NFASC: variants seen among roughly 807,000 people sequenced by gnomAD.
NFASC encodes the protein neurofascin homolog.
In NFASC, 43 loss-of-function variants were observed where a neutral mutation model predicts 147.5. That is an observed-to-expected ratio of 0.29 (90% CI 0.23 to 0.38). NFASC has a LOEUF of 0.38. Ranked by LOEUF, NFASC falls within the 10% of genes least tolerant of loss-of-function variation. The pLI is 1.00. For missense variants in NFASC, 1,320 were observed against 1,689.0 expected, an observed-to-expected ratio of 0.78 and a Z score of 3.83; for synonymous variants, 622 against 665.5, an observed-to-expected ratio of 0.93 and a Z score of 1.01.
intron 1 of NFASC, among the ~76,000 whole-genome samples, chr1:204,897,039 T>C (rs1460639146): frequency 6.6e-6 from 1 of 152,156 alleles, no homozygotes; most frequent in African/African-American, 2.4e-5. Context: ...TTAGAAATAC[T>C]GACTGTAGGT....
At chr1:204,878,857 A>G (rs1169505528) in intron 1 of NFASC, among the ~76,000 whole-genome samples, 1 of 152,206 alleles carries the variant, frequency 6.6e-6, no homozygotes, top group Non-Finnish European at 1.5e-5. Context: ...ATGGTTCATT[A>G]TTCATCTGGT....
At chr1:204,843,080 T>C (rs570141367) in intron 1 of NFASC, among the ~76,000 whole-genome samples, 3 of 152,154 alleles carry the variant, frequency 2.0e-5, no homozygotes, top group Non-Finnish European at 2.9e-5. Flanking sequence ...CCTGAAACCT[T>C]GACAAATAAA....
rs930063919 is a variant in NFASC, at chr1:204,963,675, A to G, written c.707-4574A>G. The stretch of plus-strand genomic sequence containing the variant: ...CCTGGAGATTGACCCCTTGTCCTCA[A>G]TCCAGGGTAGGACGGAGCTGACCCA... On this transcript the variant is annotated intron_variant, in intron 8 of 29. Transcript: ENST00000339876. Among the ~76,000 whole-genome samples the G allele has an allele frequency of 7.2e-5, 11 of 152,370 alleles. No individual in the cohort carries two copies. In the South Asian group the frequency reaches 1.4e-3, roughly 20 times the overall value.
chr1:204,869,263 C>G (rs2077378978), intron 1 of NFASC, among the ~76,000 whole-genome samples: 1 of 152,198 alleles, frequency 6.6e-6, no homozygotes, highest in Middle Eastern at 3.4e-3. Context: ...CCCCGTGCAC[C>G]CTGTGTGGGG....
At chr1:204,984,509 G>A (rs1443970846) in intron 21 of NFASC, among the ~76,000 whole-genome samples, 2 of 151,590 alleles carry the variant, frequency 1.3e-5, no homozygotes, top group Non-Finnish European at 2.9e-5. Flanking sequence ...AGCACGTTGC[G>A]TTTGGAATAC....
chr1:204,924,571 C>T (rs796183085), intron 2 of NFASC, among the ~76,000 whole-genome samples: 10 of 152,266 alleles, frequency 6.6e-5, no homozygotes, highest in African/African-American at 2.4e-4. Flanking sequence ...CTTGTAGAAA[C>T]CATGGCAAAG....
chr1:204,945,618 A>G (rs2093670927), intron 3 of NFASC, among the ~76,000 whole-genome samples: 1 of 152,230 alleles, frequency 6.6e-6, no homozygotes, highest in Non-Finnish European at 1.5e-5. Context: ...CTGCCCTCCC[A>G]ATACCCCCAG....
At chr1:204,864,465 A>G (rs2076958042) in intron 1 of NFASC, among the ~76,000 whole-genome samples, 1 of 152,194 alleles carries the variant, frequency 6.6e-6, no homozygotes, top group Non-Finnish European at 1.5e-5. Context: ...TGGCTGCACT[A>G]TTTTACATTC....
intron 25 of NFASC, 117 bp downstream of exon 25, chr1:204,997,523 A>G: frequency 8.7e-7 from 1 of 1,151,276 alleles, no homozygotes; most frequent in Non-Finnish European, 1.3e-6. Flanking sequence ...GTTTGCCACC[A>G]CCTCCCTTTG....
At chr1:204,883,093 C>T (rs2080601044) in intron 1 of NFASC, among the ~76,000 whole-genome samples, 1 of 152,024 alleles carries the variant, frequency 6.6e-6, no homozygotes, top group African/African-American at 2.4e-5. Flanking sequence ...TTCTAGAAAG[C>T]CGATCTTAAA....
intron 3 of NFASC, chr1:204,946,754 G>A (rs1265261992): frequency 3.9e-6 from 2 of 518,834 alleles, no homozygotes; most frequent in Admixed American, 3.9e-5. Context: ...CTCTGCAAGT[G>A]GATGAACACC....
At chr1:204,962,345 T>C (rs1343398343) in intron 8 of NFASC, among the ~76,000 whole-genome samples, 1 of 152,208 alleles carries the variant, frequency 6.6e-6, no homozygotes, top group Non-Finnish European at 1.5e-5. Context: ...CACCTGGTGG[T>C]GTGGTCTCCT....
chr1:204,992,527 C>T (rs1248699473), intron 24 of NFASC, among the ~76,000 whole-genome samples: 2 of 152,220 alleles, frequency 1.3e-5, no homozygotes, highest in Non-Finnish European at 2.9e-5. Flanking sequence ...CCCACCACCC[C>T]AGTGCCTCCC....
chr1:204,997,333 A>G lies in NFASC; in HGVS notation c.2946A>G (p.Thr982=). 2 of 1,569,616 alleles carry G rather than the reference A, an allele frequency of 1.3e-6. No homozygotes were observed. Among genetic ancestry groups the G allele is most frequent in the Non-Finnish European group, 1.7e-6 (2 of 1,157,446 alleles). ...ATTTTVATTT[T]TTAAATTTTE... Reference sequence around the variant, plus strand: ...CCACCACCGTCGCCACAACTACTACAACCACTGCTGCCGCCACCACCACCA... The same window carrying G: ...CCACCACCGTCGCCACAACTACTACGACCACTGCTGCCGCCACCACCACCA... The change falls in exon 25 of 30, where the codon ACA becomes ACG. Residue 982 remains threonine (T), a synonymous_variant. Transcript: ENST00000339876.
intron 1 of NFASC, among the ~76,000 whole-genome samples, chr1:204,895,382 C>A (rs562191439): frequency 6.6e-6 from 1 of 152,234 alleles, no homozygotes; most frequent in Non-Finnish European, 1.5e-5. Context: ...TTTCTTCCTT[C>A]TCTGAACTCC....
At chr1:204,834,082 G>A (rs1393339003) in intron 1 of NFASC, among the ~76,000 whole-genome samples, 1 of 152,136 alleles carries the variant, frequency 6.6e-6, no homozygotes, top group African/African-American at 2.4e-5. Context: ...CTAGATGAAG[G>A]AACCATCAGG....
In NFASC at chr1:204,968,281, A is replaced by G. The variant is rs754331346; in HGVS notation, c.739A>G (p.Met247Val). 9 of 1,614,016 alleles carry G rather than the reference A, an allele frequency of 5.6e-6. No individual in the cohort carries two copies. The highest frequency in any genetic ancestry group is 3.3e-5 in the Admixed American group (2 of 60,002). The change falls in exon 9 of 30, where the codon ATG becomes GTG. Residue 247 changes from methionine to valine, a missense_variant. Physicochemically the swap from Met to Val is conservative, Grantham distance 21. Around this residue, in one of 3 missense-constraint regions of NFASC, gnomAD observed 981 missense variants for 1,289.5 expected, o/e 0.76. Transcript: ENST00000339876. The surrounding 1 kb of genome is among the most constrained non-coding windows in gnomAD (Gnocchi z 5.4). ...AGTTGCAGAAAGAACACCAAGCTTCATGTATCCCCAGGGCACCGCGAGCAG... is the reference window on the plus strand; with the variant it reads ...AGTTGCAGAAAGAACACCAAGCTTCGTGTATCCCCAGGGCACCGCGAGCAG... ...RGVAERTPSF[M>V]YPQGTASSQM...
chr1:204,832,326 A>G (rs751326507), intron 1 of NFASC, among the ~76,000 whole-genome samples: 1 of 152,200 alleles, frequency 6.6e-6, no homozygotes, highest in Non-Finnish European at 1.5e-5. Flanking sequence ...GTCAGAGGAA[A>G]GAGGCTCTGG....
At chr1:204,964,449 C>T (rs1465136815) in intron 8 of NFASC, among the ~76,000 whole-genome samples, 1 of 152,142 alleles carries the variant, frequency 6.6e-6, no homozygotes, top group Non-Finnish European at 1.5e-5. Flanking sequence ...GAAGAAAGTA[C>T]CATAGAGGGA....
Sources: allele counts gnomAD v4.1 joint callset (sites outside exome capture counted in the v4.1 genomes callset), GRCh38; gene constraint gnomAD v4.1.1; regional missense constraint gnomAD v4.1.1; non-coding constraint Gnocchi (gnomAD v3.1); transcripts MANE v1.5; gene names NCBI Gene and HGNC (gene_info 2026-07-23, HGNC 2026-07-21).